Variants in CCDC144A observed in about 807,000 individuals in gnomAD.
CCDC144A encodes the protein coiled-coil domain containing 144A.
CCDC144A carries 41 observed loss-of-function variants against 143.8 expected under a neutral mutation model. That is an observed-to-expected ratio of 0.29 (90% confidence interval 0.22 to 0.37). The LOEUF is 0.37. Ranked by LOEUF, CCDC144A falls within the 10% of genes least tolerant of loss-of-function variation. CCDC144A has a pLI of 1.00. For synonymous variants in CCDC144A, 242 were observed against 517.9 expected, an observed-to-expected ratio of 0.47 and a Z score of 7.23; for missense variants, 637 against 1,488.8, an observed-to-expected ratio of 0.43 and a Z score of 9.41.
At position 16,761,672 on chromosome 17, in the gene CCDC144A, G is replaced by A. The variant is rs1161089519; in HGVS notation, c.3620G>A (p.Arg1207Lys). The part of the protein sequence containing the change: ...WHKLLIEERA[R>K]KEIEEKLNEA... ...AAACTGTTGATTGAAGAAAGAGCAA[G>A]GAAGGAGATAGAAGAAAAATTAAAC... is the stretch of plus-strand genomic sequence containing the variant. Residue 1207 changes from arginine (R) to lysine (K), a missense_variant, in exon 13 of 17, where the codon AGG becomes AAG. Arg to Lys is a conservative substitution (Grantham distance 26). Transcript: ENST00000399273. 1 of 1,613,434 alleles carries A rather than the reference G, an allele frequency of 6.2e-7. No homozygotes were observed. The highest frequency in any genetic ancestry group is 1.3e-5 in the African/African-American group (1 of 74,904).
chr17:16,762,073 C>T (rs1406763356), intron 13 of CCDC144A, among the ~76,000 whole-genome samples: 1 of 152,182 alleles, frequency 6.6e-6, no homozygotes, highest in Non-Finnish European at 1.5e-5. Context: ...TAACTTGGTT[C>T]TGTCATTCTT....
At chr17:16,734,008 G>T (rs1260701045) in intron 11 of CCDC144A, among the ~76,000 whole-genome samples, 3 of 151,944 alleles carry the variant, frequency 2.0e-5, no homozygotes, top group South Asian at 4.2e-4. Context: ...GCGTGTGGGG[G>T]TGTGTGCCTC....
intron 6 of CCDC144A, among the ~76,000 whole-genome samples, chr17:16,712,721 G>A (rs1486856360): frequency 6.6e-6 from 1 of 152,080 alleles, no homozygotes; most frequent in East Asian, 1.9e-4. Context: ...TAGCAATAAG[G>A]AAATAGTACA....
intron 12 of CCDC144A, among the ~76,000 whole-genome samples, chr17:16,737,205 C>A (rs1027204482): frequency 6.7e-5 from 8 of 119,426 alleles, no homozygotes; most frequent in African/African-American, 2.7e-4. Flanking sequence ...CTCGCTCTGT[C>A]GCCCAGGCTG....
chr17:16,757,632 C>A (rs531291621), intron 12 of CCDC144A, among the ~76,000 whole-genome samples: 1 of 152,348 alleles, frequency 6.6e-6, no homozygotes, highest in East Asian at 1.9e-4. Context: ...GTGGGCTTGA[C>A]AGGCTTGTTC....
intron 6 of CCDC144A, among the ~76,000 whole-genome samples, chr17:16,718,485 GTTTA>G (rs1912904011): frequency 1.3e-5 from 2 of 152,174 alleles, no homozygotes; most frequent in African/African-American, 4.8e-5. Context: ...TCCTTAAAGT[GTTTA>G]TTCACGTAGA....
chr17:16,703,066 C>T (rs1301906646), intron 2 of CCDC144A, among the ~76,000 whole-genome samples: 1 of 152,194 alleles, frequency 6.6e-6, no homozygotes, highest in Non-Finnish European at 1.5e-5. Flanking sequence ...ATGGTGGACA[C>T]AGTCTTTTAA....
intron 16 of CCDC144A, among the ~76,000 whole-genome samples, chr17:16,773,162 T>A (rs1915887174): frequency 6.6e-6 from 1 of 151,990 alleles, no homozygotes. Context: ...AGAATATAAT[T>A]CTTTGGCCAG....
chr17:16,753,440 T>TG (rs1567606569), intron 12 of CCDC144A, among the ~76,000 whole-genome samples: 4 of 133,828 alleles, frequency 3.0e-5, no homozygotes, highest in African/African-American at 3.5e-5. Flanking sequence ...TTTTTTTTTT[T>TG]TTTTTTTTTT....
chr17:16,728,043 C>T (rs938873057), intron 9 of CCDC144A: 23 of 312,238 alleles, frequency 7.4e-5, no homozygotes, highest in Non-Finnish European at 1.3e-4. Flanking sequence ...ATGTAAGGAA[C>T]ATCTTTTATC....
At chr17:16,720,692 T>A (rs777312639) in intron 8 of CCDC144A, 34 bp downstream of exon 8, 1 of 1,535,902 alleles carries the variant, frequency 6.5e-7, no homozygotes, top group Non-Finnish European at 8.7e-7. Flanking sequence ...GGCCTTTTGA[T>A]GTATCCTGCA....
the CCDC144A span, among the ~76,000 whole-genome samples, chr17:16,670,038 G>T: frequency 6.6e-6 from 1 of 151,724 alleles, no homozygotes; most frequent in East Asian, 2.0e-4. Flanking sequence ...AAAATTAGCC[G>T]GGCATGATGG....
chr17:16,703,458 A>G (rs1319115637), intron 2 of CCDC144A, among the ~76,000 whole-genome samples: 5 of 152,120 alleles, frequency 3.3e-5, no homozygotes, highest in East Asian at 1.9e-4. Context: ...TATTTAAGTC[A>G]GTTGTGTCTT....
At chr17:16,734,134 C>A (rs1316006183) in intron 11 of CCDC144A, among the ~76,000 whole-genome samples, 2 of 134,472 alleles carry the variant, frequency 1.5e-5, no homozygotes, top group Non-Finnish European at 3.1e-5. Context: ...AGTGGAGACC[C>A]TATCTCGAAA....
rs1289809322 is a variant in CCDC144A, at chr17:16,746,799, G to A, written c.3372+11156G>A. Reference sequence around the variant, plus strand: ...GCGGCCGTTCCCACCGGGGCGGAGCGTGGACAAGGAGCTCAAAAGGCACCG... The same window carrying A: ...GCGGCCGTTCCCACCGGGGCGGAGCATGGACAAGGAGCTCAAAAGGCACCG... On this transcript the variant is annotated intron_variant, in intron 12 of 16. Transcript: ENST00000399273. 5 of 1,471,858 alleles carry A rather than the reference G, an allele frequency of 3.4e-6. No homozygotes were observed. In the East Asian group the frequency reaches 7.1e-5, roughly 21 times the overall value. The allele number at this position is 1,471,858 out of a possible 1,614,324, so 91.2% of individuals were successfully genotyped here.
chr17:16,769,517 T>C (rs1915742050), intron 15 of CCDC144A, among the ~76,000 whole-genome samples: 2 of 152,248 alleles, frequency 1.3e-5, no homozygotes, highest in Admixed American at 1.3e-4. Flanking sequence ...ACATGGATAA[T>C]TGACTTGATT....
chr17:16,678,944 G>T, the CCDC144A span, among the ~76,000 whole-genome samples: 1 of 151,868 alleles, frequency 6.6e-6, no homozygotes, highest in Non-Finnish European at 1.5e-5. Flanking sequence ...AGTAGAGGGC[G>T]GGTTTCTCCA....
At chr17:16,740,595 G>C (rs1437512492) in intron 12 of CCDC144A, among the ~76,000 whole-genome samples, 1 of 152,152 alleles carries the variant, frequency 6.6e-6, no homozygotes, top group African/African-American at 2.4e-5. Context: ...ATACAAATGA[G>C]CTTGAAGTAA....
upstream of CCDC144A, among the ~76,000 whole-genome samples, chr17:16,687,478 G>A (rs1378521471): frequency 2.0e-5 from 3 of 151,862 alleles, no homozygotes; most frequent in Non-Finnish European, 4.4e-5. Context: ...AGCTTTTGTA[G>A]AGACCAACCC....
Sources: gnomAD v4.1 joint callset for allele counts (sites outside exome capture counted in the v4.1 genomes callset) on GRCh38, gnomAD v4.1.1 for gene constraint, MANE v1.5 for transcripts, NCBI Gene and HGNC (gene_info 2026-07-23, HGNC 2026-07-21) for gene names.